Variants in SH3D19 observed in about 807,000 individuals in gnomAD.
The protein encoded by SH3D19 is SH3 domain containing 19, also known as SH3 domain-containing protein 19.
In SH3D19, 58 loss-of-function variants were observed where a neutral mutation model predicts 112.1. The ratio of observed to expected loss-of-function variants is 0.52; its 90% CI spans 0.42 to 0.64. The LOEUF (loss-of-function observed/expected upper bound fraction) is 0.64, where lower values mean the gene tolerates loss of function less well. Ranked by LOEUF, SH3D19 falls within the 30% of genes least tolerant of loss-of-function variation. The pLI, the probability that SH3D19 is intolerant of heterozygous loss-of-function variation, is 0.00. For missense variants in SH3D19, 1,090 were observed against 1,263.4 expected (o/e 0.86, Z 2.08); for synonymous variants, 391 against 448.5 (o/e 0.87, Z 1.62).
At chr4:151,212,332 A>G (rs1366190267) in intron 2 of SH3D19, among the ~76,000 whole-genome samples, 1 of 151,956 alleles carries the variant, frequency 6.6e-6, no homozygotes, top group Non-Finnish European at 1.5e-5. Context: ...TTTTGTAGAG[A>G]CAGGGTCTTG....
rs201719037 is a variant in SH3D19 at position 151,194,016 on chromosome 4, A to ATTTTTT, written c.153-6559_153-6554dup. On this transcript the variant is annotated intron_variant, in intron 2 of 19. Coordinates refer to ENST00000604030, the MANE Select transcript of SH3D19 (RefSeq NM_001378122.1). ...GATGTGTAGCAGTATAGTAGGATTA[A>ATTTTTT]TTTTTTTTTTTTTTTTTTTTTTTTT... 7.9e-4 allele frequency among the ~76,000 whole-genome samples: 88 copies of ATTTTTT among 111,866 alleles called. 1 individual carries two copies. Among genetic ancestry groups the ATTTTTT allele is most frequent in the Non-Finnish European group, 1.1e-3 (65 of 58,558 alleles). The allele number at this position is 111,866 out of a possible 152,430, so 73.4% of individuals were successfully genotyped here. A position where few individuals can be genotyped will look rare whatever the true frequency, so the allele number is the denominator to read the frequency against.
chr4:151,204,002 A>C (rs962038476), intron 2 of SH3D19, among the ~76,000 whole-genome samples: 14 of 152,208 alleles, frequency 9.2e-5, no homozygotes, highest in African/African-American at 3.1e-4. Context: ...AGTTGTGAAG[A>C]AAGTTGTCAC....
chr4:151,306,925 T>C (rs1728966186), intron 1 of SH3D19, among the ~76,000 whole-genome samples: 1 of 152,150 alleles, frequency 6.6e-6, no homozygotes, highest in Non-Finnish European at 1.5e-5. Flanking sequence ...CAAATATCTT[T>C]ATCATCCACT....
intron 12 of SH3D19, 71 bp downstream of exon 12, chr4:151,143,839 A>T: frequency 6.8e-7 from 1 of 1,476,616 alleles, no homozygotes; most frequent in Non-Finnish European, 9.1e-7. Context: ...TGAAGATGAG[A>T]TATAATTAAT....
chr4:151,254,821 T>C (rs542527580), intron 1 of SH3D19, among the ~76,000 whole-genome samples: 307 of 151,950 alleles, frequency 2.0e-3, no homozygotes, highest in African/African-American at 7.0e-3. Flanking sequence ...TGGCCCGTTC[T>C]CAATGAGCTG....
chr4:151,214,368 TC>T (rs1766539576), intron 2 of SH3D19, among the ~76,000 whole-genome samples: 1 of 145,698 alleles, frequency 6.9e-6, no homozygotes, highest in South Asian at 2.3e-4. Flanking sequence ...TGGCCCGTTC[TC>T]AATGGGCTGT....
At chr4:151,228,236 T>G (rs1769289845) in intron 1 of SH3D19, among the ~76,000 whole-genome samples, 1 of 152,192 alleles carries the variant, frequency 6.6e-6, no homozygotes. Context: ...GTTACATTCC[T>G]GTGTAAATAT....
At chr4:151,288,143 C>T (rs1434010067) in intron 1 of SH3D19, among the ~76,000 whole-genome samples, 1 of 151,580 alleles carries the variant, frequency 6.6e-6, no homozygotes, top group Non-Finnish European at 1.5e-5. Context: ...CGATCAAGTG[C>T]AACTACAAAA....
intron 1 of SH3D19, among the ~76,000 whole-genome samples, chr4:151,283,694 T>C (rs1349628109): frequency 2.0e-5 from 3 of 151,894 alleles, no homozygotes; most frequent in Non-Finnish European, 1.5e-5. Context: ...ACATACTTTT[T>C]TCATTTTTTT....
At position 151,278,708 on chromosome 4, in the gene SH3D19, G is replaced by A. The variant is rs189095267; in HGVS notation, c.112+46533C>T. Reference sequence around the variant, plus strand: ...TGCAGTGGCATGATCTAAACTCACCGCATCCTCCACCTCCCGGGCTCAAGC... The same window carrying A: ...TGCAGTGGCATGATCTAAACTCACCACATCCTCCACCTCCCGGGCTCAAGC... On this transcript the variant is annotated intron_variant, in intron 1 of 19. Coordinates refer to ENST00000604030, the MANE Select transcript of SH3D19 (RefSeq NM_001378122.1). Among the ~76,000 whole-genome samples, 883 of 151,702 alleles carry A rather than the reference G, an allele frequency of 5.8e-3. 7 individuals carry two copies. The highest frequency in any genetic ancestry group is 0.019 in the African/African-American group (778 of 41,330).
At chr4:151,309,064 T>C (rs1220122682) in intron 1 of SH3D19, among the ~76,000 whole-genome samples, 2 of 152,206 alleles carry the variant, frequency 1.3e-5, no homozygotes, top group South Asian at 4.1e-4. Flanking sequence ...AGATGGGGTT[T>C]CGCCATGTTG....
chr4:151,225,627 T>C (rs1768867518), intron 2 of SH3D19, among the ~76,000 whole-genome samples: 1 of 152,228 alleles, frequency 6.6e-6, no homozygotes, highest in Admixed American at 6.5e-5. Context: ...AGTCTGGGTT[T>C]TGTTTTGTTC....
At chr4:151,131,447 A>G (rs1750668998) in intron 17 of SH3D19, among the ~76,000 whole-genome samples, 1 of 147,758 alleles carries the variant, frequency 6.8e-6, no homozygotes, top group South Asian at 2.2e-4. Context: ...TTTTTTCAAT[A>G]TTAGCCACTT....
chr4:151,241,028 T>C (rs1380018099), intron 1 of SH3D19, among the ~76,000 whole-genome samples: 2 of 151,880 alleles, frequency 1.3e-5, no homozygotes, highest in African/African-American at 4.9e-5. Context: ...CAGCCAGGTG[T>C]AATCCCAACA....
chr4:151,267,570 C>CT (rs1288278102), intron 1 of SH3D19, among the ~76,000 whole-genome samples: 2 of 152,148 alleles, frequency 1.3e-5, no homozygotes, highest in African/African-American at 4.8e-5. Context: ...TCCTATTCAT[C>CT]TTTTTGACCT....
intron 1 of SH3D19, among the ~76,000 whole-genome samples, chr4:151,255,096 C>T (rs571268294): frequency 3.3e-5 from 5 of 150,454 alleles, no homozygotes; most frequent in South Asian, 2.1e-4. Context: ...ACCTCCCTCC[C>T]GGATGGGGCG....
intron 1 of SH3D19, among the ~76,000 whole-genome samples, chr4:151,247,033 C>T (rs1038111747): frequency 1.3e-5 from 2 of 152,190 alleles, no homozygotes; most frequent in African/African-American, 4.8e-5. Context: ...AGAGCTGAAA[C>T]TCTTTAGCAT....
intron 1 of SH3D19, among the ~76,000 whole-genome samples, chr4:151,299,580 CAAAAA>C (rs369585943): frequency 2.6e-4 from 24 of 92,796 alleles, no homozygotes; most frequent in Non-Finnish European, 4.7e-4. Flanking sequence ...AACTCCGTCT[CAAAAA>C]AAAAAAAAAA....
intron 1 of SH3D19, among the ~76,000 whole-genome samples, chr4:151,313,087 C>CAAAAAAAAAA (rs571941454): frequency 1.0e-5 from 1 of 98,826 alleles, no homozygotes; most frequent in Admixed American, 1.1e-4. Context: ...GACTCTGTCT[C>CAAAAAAAAAA]AAAAAAAAAA....
Sources: gnomAD v4.1 joint callset for allele counts (sites outside exome capture counted in the v4.1 genomes callset) on GRCh38, gnomAD v4.1.1 for gene constraint, MANE v1.5 for transcripts, NCBI Gene and HGNC (gene_info 2026-07-23, HGNC 2026-07-21) for gene names.